ZSWIM9: variants seen among roughly 807,000 people sequenced by gnomAD.
ZSWIM9 encodes zinc finger SWIM-type containing 9, also known as uncharacterized protein ZSWIM9.
In ZSWIM9, 11 loss-of-function variants were observed where a neutral mutation model predicts 25.0. That is an observed-to-expected ratio of 0.44 (90% CI 0.28 to 0.73). The LOEUF (loss-of-function observed/expected upper bound fraction) is 0.73, where lower values mean the gene tolerates loss of function less well. ZSWIM9 is among the 30% of genes least tolerant of loss of function. The pLI is 0.16. For synonymous variants in ZSWIM9, 562 were observed against 582.1 expected (o/e 0.97, Z 0.50); for missense variants, 1,070 against 1,296.5 (o/e 0.83, Z 2.68).
intron 3 of ZSWIM9, among the ~76,000 whole-genome samples, chr19:48,187,126 T>G (rs1341466146): frequency 3.5e-5 from 5 of 144,438 alleles, no homozygotes; most frequent in African/African-American, 1.1e-4. Flanking sequence ...TTTTTAGGGG[T>G]GGGGTGGGAT....
intron 1 of ZSWIM9, chr19:48,171,422 A>G: frequency 1.0e-6 from 1 of 980,408 alleles, no homozygotes; most frequent in African/African-American, 1.8e-5. Context: ...GAAGGGGAGG[A>G]GGTTTTAGCT....
rs545624713 is a variant in ZSWIM9 at position 48,196,332 on chromosome 19, G to C, written c.2268G>C (p.Gly756=). 7 of 1,233,476 alleles carry C rather than the reference G, an allele frequency of 5.7e-6. No homozygotes were observed. In the East Asian group the frequency reaches 9.5e-5, roughly 17 times the overall value. The allele number at this position is 1,233,476 out of a possible 1,614,324, so 76.4% of individuals were successfully genotyped here. The change falls in exon 4 of 4, where the codon GGG becomes GGC. Residue 756 remains glycine (G), a synonymous_variant. Coordinates refer to ENST00000614654, the MANE Select transcript of ZSWIM9 (RefSeq NM_199341.4). ...GGATGGAGTGGGGAGACGCAGGAGG[G>C]CGGTGTCTAGGGCTGGGGAATGGAG... ...GRGMEWGDAG[G]RCLGLGNGVV... is the part of the protein sequence containing the mutation.
chr19:48,195,211 C>T lies in ZSWIM9; in HGVS notation c.1147C>T (p.Pro383Ser). 1 of 1,527,112 alleles carries T rather than the reference C, an allele frequency of 6.5e-7. No individual in the cohort carries two copies. The highest frequency in any genetic ancestry group is 1.4e-5 in the African/African-American group (1 of 72,482). The allele number at this position is 1,527,112 out of a possible 1,614,324, so 94.6% of individuals were successfully genotyped here. A position where few individuals can be genotyped will look rare whatever the true frequency, so the allele number is the denominator to read the frequency against. ...GGACTACTTCGAGCGCAACTGGGAG[C>T]CCCGCCGCGACATGTGGGTCCGCTT... ...FVDYFERNWEPRRDMWVRFRA... is the reference protein window; with the variant it reads ...FVDYFERNWESRRDMWVRFRA... The change falls in exon 4 of 4, where the codon CCC becomes TCC. Residue 383 changes from proline (P) to serine (S), a missense_variant. Around this residue, in one of 4 missense-constraint regions of ZSWIM9, gnomAD observed 184 missense variants for 243.1 expected, o/e 0.76. Transcript: ENST00000614654. This position sits in a 1 kb window ranked among gnomAD's most constrained non-coding sequence, Gnocchi z 5.8.
chr19:48,182,377 A>AG lies in ZSWIM9; in HGVS notation c.276-78_276-77insG. On this transcript the variant is annotated intron_variant, in intron 2 of 3. Coordinates refer to ENST00000614654, the MANE Select transcript of ZSWIM9 (RefSeq NM_199341.4). This position sits in a 1 kb window ranked among gnomAD's most constrained non-coding sequence, Gnocchi z 4.6. ...TGCCTGAAACAATTCTTAGTTTAAA[A>AG]AAAAAAAAAAGGTGAGTGGAAAGGA... 4 of 1,256,984 alleles carry AG rather than the reference A, an allele frequency of 3.2e-6. No homozygotes were observed. The East Asian group carries it at 1.0e-4, about 32-fold the overall frequency. 77.9% of individuals were successfully genotyped at this position (1,256,984 alleles called of 1,614,324 possible). A position where few individuals can be genotyped will look rare whatever the true frequency, so the allele number is the denominator to read the frequency against.
chr19:48,187,469 ATT>A (rs1468427113), intron 3 of ZSWIM9, among the ~76,000 whole-genome samples: 1 of 85,278 alleles, frequency 1.2e-5, no homozygotes, highest in Non-Finnish European at 2.1e-5. Flanking sequence ...AATTATATAT[ATT>A]ATATATATTA....
chr19:48,172,954 G>C (rs995946152), intron 2 of ZSWIM9, among the ~76,000 whole-genome samples: 9 of 152,188 alleles, frequency 5.9e-5, no homozygotes, highest in African/African-American at 2.2e-4. Flanking sequence ...GGAAACAGAA[G>C]AGCCAGGTTT....
At chr19:48,189,023 T>C (rs1014085265) in intron 3 of ZSWIM9, among the ~76,000 whole-genome samples, 1 of 151,704 alleles carries the variant, frequency 6.6e-6, no homozygotes, top group African/African-American at 2.4e-5. Context: ...AGAGCGAGAC[T>C]CCATCTCAAA....
chr19:48,195,095 C>T lies in ZSWIM9; in HGVS notation c.1031C>T (p.Ser344Leu). 7.0e-7 allele frequency: 1 copy of T among 1,433,376 alleles called. No homozygotes were observed. The highest frequency in any genetic ancestry group is 3.2e-5 in the East Asian group (1 of 31,580). The allele number at this position is 1,433,376 out of a possible 1,614,324, so 88.8% of individuals were successfully genotyped here. A position where few individuals can be genotyped will look rare whatever the true frequency, so the allele number is the denominator to read the frequency against. Residue 344 changes from serine (S) to leucine (L), a missense_variant, in exon 4 of 4, where the codon TCG becomes TTG. Coordinates refer to ENST00000614654, the MANE Select transcript of ZSWIM9 (RefSeq NM_199341.4). The surrounding 1 kb of genome is among the most constrained non-coding windows in gnomAD (Gnocchi z 5.8). ...GAGREDPGLW[S>L]RLCRLAGASS... ...GGCCGCGAGGACCCGGGCCTGTGGT[C>T]GCGCCTGTGCCGCCTGGCTGGCGCG...
chr19:48,175,640 G>A (rs925985165), intron 2 of ZSWIM9, among the ~76,000 whole-genome samples: 1 of 152,068 alleles, frequency 6.6e-6, no homozygotes, highest in Non-Finnish European at 1.5e-5. Context: ...GAGACGATGT[G>A]GGGGAGAGAG....
At chr19:48,172,430 C>A (rs2036847015) in intron 2 of ZSWIM9, among the ~76,000 whole-genome samples, 1 of 152,002 alleles carries the variant, frequency 6.6e-6, no homozygotes, top group South Asian at 2.1e-4. Context: ...GCCTCAGCCT[C>A]CCGAGTAGCT....
chr19:48,195,018 C>G lies in ZSWIM9; in HGVS notation c.954C>G (p.Arg318=), dbSNP rs1287155197. ...LLPCARVQIC[R]AQGLETLFSK... ...CCTGCGCGCGCGTGCAGATCTGCCGCGCGCAGGGCCTGGAGACGCTCTTCA... is the reference window on the plus strand; with the variant it reads ...CCTGCGCGCGCGTGCAGATCTGCCGGGCGCAGGGCCTGGAGACGCTCTTCA... The change falls in exon 4 of 4, where the codon CGC becomes CGG. Residue 318 remains arginine (R), a synonymous_variant. Transcript: ENST00000614654. The surrounding 1 kb of genome is among the most constrained non-coding windows in gnomAD (Gnocchi z 5.8). The G allele has an allele frequency of 4.4e-6, 6 of 1,366,782 alleles. No individual in the cohort carries two copies. The highest frequency in any genetic ancestry group is 5.6e-6 in the Non-Finnish European group (6 of 1,067,802). The allele number at this position is 1,366,782 out of a possible 1,614,324, so 84.7% of individuals were successfully genotyped here. A position where few individuals can be genotyped will look rare whatever the true frequency, so the allele number is the denominator to read the frequency against.
In ZSWIM9 at chr19:48,197,448, A is replaced by G; in HGVS notation, c.*621A>G. On this transcript the variant is annotated 3_prime_UTR_variant, in exon 4 of 4. Coordinates refer to ENST00000614654, the MANE Select transcript of ZSWIM9 (RefSeq NM_199341.4). ...AATGTGTGGGAGACGGGTAGAGACG[A>G]AATGCAAGGGGCGTGGTTTTGGTTT... 1.6e-6 allele frequency: 1 copy of G among 607,460 alleles called. No individual in the cohort carries two copies. The highest frequency in any genetic ancestry group is 2.0e-5 in the South Asian group (1 of 50,396). 37.6% of individuals were successfully genotyped at this position (607,460 alleles called of 1,614,324 possible).
intron 3 of ZSWIM9, among the ~76,000 whole-genome samples, chr19:48,189,993 A>G (rs137970502): frequency 0.011 from 1,677 of 152,230 alleles, 32 homozygotes; most frequent in African/African-American, 0.038. Context: ...ACTTGAGGTC[A>G]AGAGTTTGAG....
At position 48,197,061 on chromosome 19, in the gene ZSWIM9, C is replaced by A; in HGVS notation, c.*234C>A. On this transcript the variant is annotated 3_prime_UTR_variant, in exon 4 of 4. Transcript: ENST00000614654. Reference sequence around the variant, plus strand: ...AAGGTGTTGATGGGCAGGGTGGATTCTGAGGGCTTCCCTCTGGAGAGGAAG... The same window carrying A: ...AAGGTGTTGATGGGCAGGGTGGATTATGAGGGCTTCCCTCTGGAGAGGAAG... The A allele has an allele frequency of 1.8e-6, 1 of 547,798 alleles. No homozygotes were observed. Among genetic ancestry groups the A allele is most frequent in the Non-Finnish European group, 3.2e-6 (1 of 309,674 alleles). 33.9% of individuals were successfully genotyped at this position (547,798 alleles called of 1,614,324 possible). A position where few individuals can be genotyped will look rare whatever the true frequency, so the allele number is the denominator to read the frequency against.
Position 48,182,387 on chromosome 19 carries a change from A to AAAG in ZSWIM9, c.276-68_276-67insAAG. ...AATTCTTAGTTTAAAAAAAAAAAAA[A>AAAG]GGTGAGTGGAAAGGAAGAAGAGGGC... On this transcript the variant is annotated intron_variant, in intron 2 of 3. Coordinates refer to ENST00000614654, the MANE Select transcript of ZSWIM9 (RefSeq NM_199341.4). The surrounding 1 kb of genome is among the most constrained non-coding windows in gnomAD (Gnocchi z 4.6). 2.4e-6 allele frequency: 3 copies of AAAG among 1,236,890 alleles called. No homozygotes were observed. The highest frequency in any genetic ancestry group is 3.1e-5 in the South Asian group (2 of 64,578). 76.6% of individuals were successfully genotyped at this position (1,236,890 alleles called of 1,614,324 possible). A position where few individuals can be genotyped will look rare whatever the true frequency, so the allele number is the denominator to read the frequency against.
intron 1 of ZSWIM9, 91 bp from the exon 2 acceptor site, chr19:48,171,703 C>A: frequency 1.5e-6 from 2 of 1,295,474 alleles, no homozygotes; most frequent in Non-Finnish European, 2.1e-6. Flanking sequence ...GAGGCACCAG[C>A]AACCGACGGG....
chr19:48,195,898 A>C lies in ZSWIM9; in HGVS notation c.1834A>C (p.Thr612Pro). 3 of 1,388,706 alleles carry C rather than the reference A, an allele frequency of 2.2e-6. No individual in the cohort carries two copies. The highest frequency in any genetic ancestry group is 2.8e-6 in the Non-Finnish European group (3 of 1,076,086). The allele number at this position is 1,388,706 out of a possible 1,614,324, so 86.0% of individuals were successfully genotyped here. The change falls in exon 4 of 4, where the codon ACC becomes CCC. Residue 612 changes from threonine (T) to proline (P), a missense_variant. Around this residue, in one of 4 missense-constraint regions of ZSWIM9, gnomAD observed 583 missense variants for 624.7 expected, o/e 0.93. Transcript: ENST00000614654. This position sits in a 1 kb window ranked among gnomAD's most constrained non-coding sequence, Gnocchi z 5.8. ...DRRSTTDLRG[T>P]QFDYERVRSL... Reference sequence around the variant, plus strand: ...CAGGAGTACCACCGACCTGAGGGGGACCCAGTTTGACTATGAGAGGGTCAG... The same window carrying C: ...CAGGAGTACCACCGACCTGAGGGGGCCCCAGTTTGACTATGAGAGGGTCAG...
chr19:48,182,443 T>C lies in ZSWIM9; in HGVS notation c.276-12T>C. 6.6e-7 allele frequency: 1 copy of C among 1,526,660 alleles called. No individual in the cohort carries two copies. Among genetic ancestry groups the C allele is most frequent in the Non-Finnish European group, 8.8e-7 (1 of 1,141,112 alleles). 94.6% of individuals were successfully genotyped at this position (1,526,660 alleles called of 1,614,324 possible). A position where few individuals can be genotyped will look rare whatever the true frequency, so the allele number is the denominator to read the frequency against. ...AGTGATGTGACCAGGGCGGTGGTGG[T>C]TCCTCCCACAGGCCTCCCCAGCCCG... On this transcript the variant is annotated splice_polypyrimidine_tract_variant and intron_variant, in intron 2 of 3. Transcript: ENST00000614654. The surrounding 1 kb of genome is among the most constrained non-coding windows in gnomAD (Gnocchi z 4.6).
intron 2 of ZSWIM9, among the ~76,000 whole-genome samples, chr19:48,174,439 G>A (rs1354913509): frequency 6.6e-6 from 1 of 152,128 alleles, no homozygotes; most frequent in African/African-American, 2.4e-5. Flanking sequence ...TACAGGATTC[G>A]AGAGCATGGA....
Sources: gnomAD v4.1 joint callset for allele counts (sites outside exome capture counted in the v4.1 genomes callset) on GRCh38, gnomAD v4.1.1 for gene constraint, gnomAD v4.1.1 regional missense constraint, Gnocchi (gnomAD v3.1) non-coding constraint, MANE v1.5 for transcripts, NCBI Gene and HGNC (gene_info 2026-07-23, HGNC 2026-07-21) for gene names.